Variants in SFMBT1 observed in about 807,000 individuals in gnomAD.
SFMBT1 encodes the protein Scm like with four mbt domains 1.
SFMBT1 carries 32 observed loss-of-function variants against 108.7 expected under a neutral mutation model. The ratio of observed to expected loss-of-function variants is 0.29; its 90% CI spans 0.22 to 0.40. The LOEUF (loss-of-function observed/expected upper bound fraction) is 0.40, where lower values mean the gene tolerates loss of function less well. SFMBT1 is among the 10% of genes least tolerant of loss of function. The pLI, the probability that SFMBT1 is intolerant of heterozygous loss-of-function variation, is 1.00. For missense variants in SFMBT1, 816 were observed against 1,059.6 expected (o/e 0.77, Z 3.19); for synonymous variants, 348 against 369.5 (o/e 0.94, Z 0.67).
At chr3:52,911,857 A>G (rs189648248) in intron 16 of SFMBT1, among the ~76,000 whole-genome samples, 1 of 151,394 alleles carries the variant, frequency 6.6e-6, no homozygotes, top group Admixed American at 6.6e-5. Context: ...ACACCACGAC[A>G]CCTGGCTAAT....
Position 52,907,109 on chromosome 3 carries a change from A to C in SFMBT1, c.2291T>G (p.Phe764Cys). Residue 764 changes from phenylalanine to cysteine, a missense_variant, in exon 19 of 21, where the codon TTT becomes TGT. This residue lies in a region of SFMBT1 where 177 missense variants were observed against 182.0 expected (regional missense o/e 0.97). Coordinates refer to ENST00000394752, the MANE Select transcript of SFMBT1 (RefSeq NM_016329.4). ...TTTATTTTCATCGTCAGAAAATGAA[A>C]AGGTGCGAAGCTCCCTTTTTCTCCT... Reference protein sequence around the residue: ...RQRRKRELRTFSFSDDENKPP... With the variant: ...RQRRKRELRTCSFSDDENKPP... 1.2e-6 allele frequency: 2 copies of C among 1,613,484 alleles called. No homozygotes were observed. The highest frequency in any genetic ancestry group is 1.7e-6 in the Non-Finnish European group (2 of 1,179,818).
intron 1 of SFMBT1, among the ~76,000 whole-genome samples, chr3:52,986,849 A>G (rs1704938405): frequency 6.7e-6 from 1 of 148,386 alleles, no homozygotes; most frequent in Admixed American, 6.7e-5. Flanking sequence ...CTGAGGCAGG[A>G]GAATCGCTTG....
chr3:52,989,836 T>C (rs1481582739), intron 1 of SFMBT1, among the ~76,000 whole-genome samples: 1 of 152,066 alleles, frequency 6.6e-6, no homozygotes, highest in Non-Finnish European at 1.5e-5. Flanking sequence ...ACATAATGTA[T>C]AACTTCTTTC....
rs1265707777 is a variant in SFMBT1, at chr3:52,934,830, C to T, written c.436G>A (p.Val146Ile). The T allele has an allele frequency of 6.2e-7, 1 of 1,613,538 alleles. No individual in the cohort carries two copies. The highest frequency in any genetic ancestry group is 1.1e-5 in the South Asian group (1 of 90,948). Reference sequence around the variant, plus strand: ...ATACTCACGCCCTCTAGCAGCGGAACAGGAGGACTACATGCTCCTATCAGG... The same window carrying T: ...ATACTCACGCCCTCTAGCAGCGGAATAGGAGGACTACATGCTCCTATCAGG... ...QTLIGACSPPVPLLEGLRNGR... is the reference protein window; with the variant it reads ...QTLIGACSPPIPLLEGLRNGR... The change falls in exon 5 of 21, where the codon GTT becomes ATT. Residue 146 changes from valine (V) to isoleucine (I), a missense_variant. Around this residue, in one of 5 missense-constraint regions of SFMBT1, gnomAD observed 495 missense variants for 607.4 expected, o/e 0.81. Coordinates refer to ENST00000394752, the MANE Select transcript of SFMBT1 (RefSeq NM_016329.4).
chr3:53,005,589 G>C (rs1698712026), intron 1 of SFMBT1, among the ~76,000 whole-genome samples: 1 of 152,184 alleles, frequency 6.6e-6, no homozygotes, highest in Non-Finnish European at 1.5e-5. Flanking sequence ...TGGGATTACA[G>C]GCAGGAGCCA....
intron 10 of SFMBT1, among the ~76,000 whole-genome samples, chr3:52,924,541 G>A (rs1367636143): frequency 6.6e-6 from 1 of 152,002 alleles, no homozygotes; most frequent in South Asian, 2.1e-4. Flanking sequence ...ACTCAGGAGG[G>A]TGAGGCAGGA....
At chr3:52,993,332 A>C (rs1326844560) in intron 1 of SFMBT1, among the ~76,000 whole-genome samples, 2 of 150,208 alleles carry the variant, frequency 1.3e-5, no homozygotes, top group Admixed American at 6.7e-5. Context: ...ATTATATTAC[A>C]CGTAAAAGTC....
rs146102086 is a variant in SFMBT1, at chr3:52,932,179, G to A, written c.583C>T (p.Arg195Cys). 7.4e-5 allele frequency: 120 copies of A among 1,614,000 alleles called. No homozygotes were observed. Among genetic ancestry groups the A allele is most frequent in the Non-Finnish European group, 9.2e-5 (109 of 1,180,026 alleles). The part of the protein sequence containing the change: ...VENIGGRLKL[R>C]YEGLESSDNY... ...TCAGAACTTTCAAGTCCTTCATAAC[G>A]TAGCTTCAGCCTTCCTCCAATGTTT... Residue 195 changes from arginine (R) to cysteine (C), a missense_variant, in exon 6 of 21, where the codon CGT (arginine) becomes TGT (cysteine). Coordinates refer to ENST00000394752, the MANE Select transcript of SFMBT1 (RefSeq NM_016329.4).
chr3:53,028,523 T>G (rs1482646877), intron 1 of SFMBT1, among the ~76,000 whole-genome samples: 1 of 152,154 alleles, frequency 6.6e-6, no homozygotes, highest in East Asian at 1.9e-4. Context: ...ACTTACTAGC[T>G]GGGCATGGTG....
Position 52,918,506 on chromosome 3 carries a change from C to T in SFMBT1, c.1393G>A (p.Ala465Thr). 6.4e-7 allele frequency: 1 copy of T among 1,558,478 alleles called. No individual in the cohort carries two copies. The highest frequency in any genetic ancestry group is 8.6e-7 in the Non-Finnish European group (1 of 1,158,870). The change falls in exon 13 of 21, where the codon GCA becomes ACA. Residue 465 changes from alanine to threonine, a missense_variant. By Grantham distance (58) the Ala-to-Thr change is moderately conservative (BLOSUM62 0). This residue lies in a region of SFMBT1 where 495 missense variants were observed against 607.4 expected (regional missense o/e 0.81). Coordinates refer to ENST00000394752, the MANE Select transcript of SFMBT1 (RefSeq NM_016329.4). ...RARVYKQRKI[A>T]VVQPEKQVPS... is the part of the protein sequence containing the mutation. ...TACTGTTTTTCTGGCTGAACCACTGCAATTTTCCTCTGTTTATATACTGTA... is the reference window on the plus strand; with the variant it reads ...TACTGTTTTTCTGGCTGAACCACTGTAATTTTCCTCTGTTTATATACTGTA...
At chr3:52,956,707 G>A (rs1347391232) in intron 2 of SFMBT1, among the ~76,000 whole-genome samples, 1 of 152,146 alleles carries the variant, frequency 6.6e-6, no homozygotes, top group African/African-American at 2.4e-5. Context: ...GTTGCCGTGA[G>A]CCGAGGTTGC....
chr3:53,039,439 A>G (rs964554598), intron 1 of SFMBT1, among the ~76,000 whole-genome samples: 1 of 152,210 alleles, frequency 6.6e-6, no homozygotes, highest in Admixed American at 6.5e-5. Flanking sequence ...AAAGTAGAAC[A>G]GTGGTTGTCT....
At chr3:53,016,480 G>A (rs1015659679) in intron 1 of SFMBT1, among the ~76,000 whole-genome samples, 5 of 152,204 alleles carry the variant, frequency 3.3e-5, no homozygotes, top group African/African-American at 7.2e-5. Context: ...TACGTACTCA[G>A]TGACAGTGGG....
At chr3:53,031,238 GA>G (rs1344361970) in intron 1 of SFMBT1, among the ~76,000 whole-genome samples, 1 of 152,182 alleles carries the variant, frequency 6.6e-6, no homozygotes, top group Admixed American at 6.5e-5. Context: ...ATGCACCTGC[GA>G]ATAACAACAG....
intron 1 of SFMBT1, among the ~76,000 whole-genome samples, chr3:52,985,608 C>T (rs999597029): frequency 3.9e-5 from 6 of 152,140 alleles, no homozygotes; most frequent in East Asian, 1.9e-4. Context: ...AGTCATGCAT[C>T]GCTTAATAAT....
chr3:52,989,144 C>T (rs1343947797), intron 1 of SFMBT1, among the ~76,000 whole-genome samples: 1 of 152,064 alleles, frequency 6.6e-6, no homozygotes, highest in African/African-American at 2.4e-5. Flanking sequence ...TTCTTTCCTA[C>T]CACTAAATTA....
chr3:52,956,109 T>C (rs1022515853), intron 2 of SFMBT1, among the ~76,000 whole-genome samples: 1 of 152,140 alleles, frequency 6.6e-6, no homozygotes. Context: ...AAAAACCACA[T>C]GATTATCTCA....
At chr3:52,987,352 T>C (rs1209804466) in intron 1 of SFMBT1, among the ~76,000 whole-genome samples, 1 of 152,200 alleles carries the variant, frequency 6.6e-6, no homozygotes, top group Non-Finnish European at 1.5e-5. Context: ...CAACTGCCAG[T>C]GCAGGTTTAT....
At chr3:52,966,005 C>CAAAAAA (rs775989805) in intron 2 of SFMBT1, among the ~76,000 whole-genome samples, 2 of 55,030 alleles carry the variant, frequency 3.6e-5, no homozygotes, top group African/African-American at 7.5e-5. Flanking sequence ...GACTCCGTTT[C>CAAAAAA]AAAAAAAAAA....
Sources: allele counts gnomAD v4.1 joint callset (sites outside exome capture counted in the v4.1 genomes callset), GRCh38; gene constraint gnomAD v4.1.1; regional missense constraint gnomAD v4.1.1; transcripts MANE v1.5; gene names NCBI Gene and HGNC (gene_info 2026-07-23, HGNC 2026-07-21).